Variants in MAP3K4 observed in about 807,000 individuals in gnomAD.
MAP3K4 encodes the protein MAP three kinase 1.
In MAP3K4, 67 loss-of-function variants were observed where a neutral mutation model predicts 185.6. The ratio of observed to expected loss-of-function variants is 0.36; its 90% CI spans 0.30 to 0.44. MAP3K4 has a LOEUF of 0.44. Among genes scored for constraint, MAP3K4 ranks in the 20% least tolerant of loss-of-function variants. MAP3K4 has a pLI of 1.00. For synonymous variants in MAP3K4, 702 were observed against 710.4 expected (o/e 0.99, Z 0.19); for missense variants, 1,551 against 1,995.1 (o/e 0.78, Z 4.24).
In MAP3K4 at chr6:161,106,826, A is replaced by G. The variant is rs189020015; in HGVS notation, c.4048+121A>G. ...TTTCTTGTAGACATAGCAAGTATGC[A>G]TTGTTATCTTTTTGCAAAGTGGTCT... On this transcript the variant is annotated intron_variant, in intron 20 of 26. Coordinates refer to ENST00000392142, the MANE Select transcript of MAP3K4 (RefSeq NM_005922.4). The surrounding 1 kb of genome is among the most constrained non-coding windows in gnomAD (Gnocchi z 4.9). The G allele has an allele frequency of 6.3e-4, 453 of 714,070 alleles. 2 individuals carry two copies. In the African/African-American group the frequency reaches 7.2e-3, roughly 11 times the overall value. The allele number at this position is 714,070 out of a possible 1,614,324, so 44.2% of individuals were successfully genotyped here.
intron 1 of MAP3K4, among the ~76,000 whole-genome samples, chr6:161,023,275 T>A (rs1376546821): frequency 6.6e-6 from 1 of 152,220 alleles, no homozygotes. Context: ...ATGGAAAACC[T>A]AAATAATTTT....
At chr6:161,085,364 T>G (rs187423002) in intron 7 of MAP3K4, among the ~76,000 whole-genome samples, 99 of 152,326 alleles carry the variant, frequency 6.5e-4, no homozygotes, top group African/African-American at 2.3e-3. Flanking sequence ...AAACTATGGT[T>G]TTTCTCTGTT....
Position 161,098,436 on chromosome 6 carries a change from A to C in MAP3K4, c.3674+9A>C, listed in dbSNP as rs1189100836. The C allele has an allele frequency of 2.5e-6, 4 of 1,610,038 alleles. No individual in the cohort carries two copies. ...AGTGCCCATGATACCAGGTAGTCTCACCCCACCAGTGTCCCGTACCCTCAC... is the reference window on the plus strand; with the variant it reads ...AGTGCCCATGATACCAGGTAGTCTCCCCCCACCAGTGTCCCGTACCCTCAC... On this transcript the variant is annotated intron_variant, in intron 17 of 26. Coordinates refer to ENST00000392142, the MANE Select transcript of MAP3K4 (RefSeq NM_005922.4). The surrounding 1 kb of genome is among the most constrained non-coding windows in gnomAD (Gnocchi z 4.4).
In MAP3K4 at chr6:161,064,377, C is replaced by T. The variant is rs1214497433; in HGVS notation, c.1708-6231C>T. On this transcript the variant is annotated intron_variant, in intron 3 of 26. Coordinates refer to ENST00000392142, the MANE Select transcript of MAP3K4 (RefSeq NM_005922.4). The surrounding 1 kb of genome is among the most constrained non-coding windows in gnomAD (Gnocchi z 4.3). Reference sequence around the variant, plus strand: ...ACTGTGAGGTATAGTATGAGGTAAGCATGTCATTATTTTTCTGTTAATTGC... The same window carrying T: ...ACTGTGAGGTATAGTATGAGGTAAGTATGTCATTATTTTTCTGTTAATTGC... Among the ~76,000 whole-genome samples the T allele has an allele frequency of 6.6e-6, 1 of 151,888 alleles. No homozygotes were observed. The highest frequency in any genetic ancestry group is 2.4e-5 in the African/African-American group (1 of 41,354).
intron 1 of MAP3K4, among the ~76,000 whole-genome samples, chr6:161,002,327 A>G (rs144727381): frequency 1.1e-3 from 163 of 152,228 alleles, no homozygotes; most frequent in African/African-American, 3.7e-3. Context: ...TTTAAATGTT[A>G]TACACTGTAA....
intron 7 of MAP3K4, among the ~76,000 whole-genome samples, chr6:161,085,217 A>G (rs1254004658): frequency 6.6e-6 from 1 of 152,044 alleles, no homozygotes; most frequent in East Asian, 1.9e-4. Context: ...CTTTATTTAC[A>G]TTGTCTGGGA....
At chr6:161,023,851 T>A (rs1039160122) in intron 1 of MAP3K4, among the ~76,000 whole-genome samples, 4 of 152,242 alleles carry the variant, frequency 2.6e-5, no homozygotes, top group African/African-American at 9.6e-5. Context: ...TGGCTCTTAG[T>A]CTTTTATACC....
At chr6:161,024,918 C>CGTAT (rs963916072) in intron 1 of MAP3K4, among the ~76,000 whole-genome samples, 7 of 152,118 alleles carry the variant, frequency 4.6e-5, no homozygotes, top group African/African-American at 1.2e-4. Context: ...ACAGGAGATA[C>CGTAT]GTATGTATGT....
chr6:161,002,922 A>G (rs1187474688), intron 1 of MAP3K4, among the ~76,000 whole-genome samples: 2 of 152,018 alleles, frequency 1.3e-5, no homozygotes, highest in Non-Finnish European at 2.9e-5. Flanking sequence ...TTTTTTTTAT[A>G]CAGTTTATTT....
In MAP3K4 at chr6:161,107,079, C is replaced by CAT. The variant is rs10666764; in HGVS notation, c.4048+374_4048+375insAT. On this transcript the variant is annotated intron_variant, in intron 20 of 26. Transcript: ENST00000392142. The surrounding 1 kb of genome is among the most constrained non-coding windows in gnomAD (Gnocchi z 6.2). ...ACACACACACACACACACACACACA[C>CAT]GCAGAACGTGATTTGAAGAGAGACT... is the stretch of plus-strand genomic sequence containing the variant. Among the ~76,000 whole-genome samples the CAT allele has an allele frequency of 2.7e-4, 41 of 150,794 alleles. No homozygotes were observed. The highest frequency in any genetic ancestry group is 5.3e-4 in the Non-Finnish European group (36 of 67,968).
chr6:160,993,031 C>T (rs1780816849), intron 1 of MAP3K4, among the ~76,000 whole-genome samples: 1 of 152,174 alleles, frequency 6.6e-6, no homozygotes, highest in Non-Finnish European at 1.5e-5. Flanking sequence ...AGGAATAAGG[C>T]AGTAAAGTGT....
rs1434881164 is a variant in MAP3K4 at position 161,017,551 on chromosome 6, C to A, written c.153-16708C>A. On this transcript the variant is annotated intron_variant, in intron 1 of 26. Coordinates refer to ENST00000392142, the MANE Select transcript of MAP3K4 (RefSeq NM_005922.4). This position sits in a 1 kb window ranked among gnomAD's most constrained non-coding sequence, Gnocchi z 5.1. ...TTTTTATATGCCTAAAAATTAGGTC[C>A]ACAAAAAATCTTTGTGATCTTTTGT... is the stretch of plus-strand genomic sequence containing the variant. Among the ~76,000 whole-genome samples the A allele has an allele frequency of 6.6e-6, 1 of 151,900 alleles. No homozygotes were observed. The highest frequency in any genetic ancestry group is 1.5e-5 in the Non-Finnish European group (1 of 67,976).
chr6:161,084,364 A>T lies in MAP3K4; in HGVS notation c.2256-137A>T. Reference sequence around the variant, plus strand: ...TTTCCACGTCCAGGGTTTTATATTAAAAGAAGAGAAATTTTTCATTTTTGA... The same window carrying T: ...TTTCCACGTCCAGGGTTTTATATTATAAGAAGAGAAATTTTTCATTTTTGA... On this transcript the variant is annotated intron_variant, in intron 6 of 26. Coordinates refer to ENST00000392142, the MANE Select transcript of MAP3K4 (RefSeq NM_005922.4). This position sits in a 1 kb window ranked among gnomAD's most constrained non-coding sequence, Gnocchi z 4.6. 1 of 580,654 alleles carries T rather than the reference A, an allele frequency of 1.7e-6. No individual in the cohort carries two copies. 36.0% of individuals were successfully genotyped at this position (580,654 alleles called of 1,614,324 possible).
In MAP3K4 at chr6:161,115,189, C is replaced by T. The variant is rs1468758117; in HGVS notation, c.4693C>T (p.Pro1565Ser). The T allele has an allele frequency of 6.2e-7, 1 of 1,614,128 alleles. No homozygotes were observed. Among genetic ancestry groups the T allele is most frequent in the East Asian group, 2.2e-5 (1 of 44,878 alleles). Reference sequence around the variant, plus strand: ...TAAAGTGGGGATGGGACATAAGCCACCAATCCCTGAAAGATTAAGCCCTGA... The same window carrying T: ...TAAAGTGGGGATGGGACATAAGCCATCAATCCCTGAAAGATTAAGCCCTGA... The part of the protein sequence containing the change: ...MYKVGMGHKP[P>S]IPERLSPEGK... Residue 1565 changes from proline to serine, a missense_variant, in exon 26 of 27, where the codon CCA becomes TCA. Physicochemically the swap from Pro to Ser is moderately conservative, Grantham distance 74. Around this residue, in one of 16 missense-constraint regions of MAP3K4, gnomAD observed 159 missense variants for 300.5 expected, o/e 0.53. Coordinates refer to ENST00000392142, the MANE Select transcript of MAP3K4 (RefSeq NM_005922.4). This position sits in a 1 kb window ranked among gnomAD's most constrained non-coding sequence, Gnocchi z 6.0.
intron 1 of MAP3K4, among the ~76,000 whole-genome samples, chr6:161,000,196 A>C (rs1781202063): frequency 6.6e-6 from 1 of 152,228 alleles, no homozygotes; most frequent in Non-Finnish European, 1.5e-5. Flanking sequence ...AATAATTCTT[A>C]TTCTGTTCTA....
chr6:161,028,108 C>G (rs922108160), intron 1 of MAP3K4, among the ~76,000 whole-genome samples: 2 of 152,210 alleles, frequency 1.3e-5, no homozygotes, highest in Non-Finnish European at 2.9e-5. Flanking sequence ...GTCACAAAGT[C>G]ATTCCACATT....
intron 1 of MAP3K4, among the ~76,000 whole-genome samples, chr6:161,031,911 G>T (rs1782950016): frequency 6.6e-6 from 1 of 152,160 alleles, no homozygotes; most frequent in South Asian, 2.1e-4. Flanking sequence ...GATGTGTTTT[G>T]AAAGAGATTT....
chr6:161,039,501 A>G (rs1428757857), intron 2 of MAP3K4, among the ~76,000 whole-genome samples: 1 of 152,140 alleles, frequency 6.6e-6, no homozygotes, highest in East Asian at 1.9e-4. Context: ...TTTGTTTTTT[A>G]TAATTGTAAA....
intron 2 of MAP3K4, among the ~76,000 whole-genome samples, chr6:161,047,896 C>T (rs1459799422): frequency 5.9e-5 from 9 of 152,058 alleles, no homozygotes; most frequent in African/African-American, 1.9e-4. Flanking sequence ...TTGCTTTTTT[C>T]GCATTAATTG....
Sources: gnomAD v4.1 joint callset for allele counts (sites outside exome capture counted in the v4.1 genomes callset) on GRCh38, gnomAD v4.1.1 for gene constraint, gnomAD v4.1.1 regional missense constraint, Gnocchi (gnomAD v3.1) non-coding constraint, MANE v1.5 for transcripts, NCBI Gene and HGNC (gene_info 2026-07-23, HGNC 2026-07-21) for gene names.